The following CCDC141 variants were observed in gnomAD, a reference collection of about 807,000 sequenced individuals.
CCDC141 encodes coiled-coil domain-containing protein 141.
Under a neutral mutation model 181.0 loss-of-function variants are expected in CCDC141, and 168 were observed. The ratio of observed to expected loss-of-function variants is 0.93; its 90% CI spans 0.82 to 1.05. The LOEUF (loss-of-function observed/expected upper bound fraction) is 1.05. Ranked by LOEUF, CCDC141 falls within the 50% of genes least tolerant of loss-of-function variation. CCDC141 has a pLI of 0.00. For missense variants in CCDC141, 1,902 were observed against 1,788.5 expected, an observed-to-expected ratio of 1.06 and a Z score of -1.14; for synonymous variants, 666 against 642.3, an observed-to-expected ratio of 1.04 and a Z score of -0.56.
At chr2:179,013,775 G>A (rs1049319865) in intron 2 of CCDC141, among the ~76,000 whole-genome samples, 8 of 151,734 alleles carry the variant, frequency 5.3e-5, no homozygotes, top group Non-Finnish European at 7.4e-5. Flanking sequence ...AGACCATCCT[G>A]GCTAACATGG....
chr2:178,861,320 C>A (rs1685606832), intron 17 of CCDC141, among the ~76,000 whole-genome samples: 1 of 152,124 alleles, frequency 6.6e-6, no homozygotes, highest in African/African-American at 2.4e-5. Flanking sequence ...GCACACATCA[C>A]CATGCTCGGC....
rs3045731 is a variant in CCDC141, at chr2:178,837,850, A to AGG, written c.3475-108_3475-107dup. 1,141,918 of 1,321,578 alleles carry AGG rather than the reference A, an allele frequency of 0.86. 494,939 individuals carry two copies. The highest frequency in any genetic ancestry group is 0.99 in the East Asian group (41,545 of 41,998). The allele number at this position is 1,321,578 out of a possible 1,614,324, so 81.9% of individuals were successfully genotyped here. On this transcript the variant is annotated intron_variant, in intron 22 of 23. Transcript: ENST00000443758. Reference sequence around the variant, plus strand: ...GAGAGATAACTCGAGACAACCTACAAGGTTAAAATTTAGGGGGCTGGAGCA... The same window carrying AGG: ...GAGAGATAACTCGAGACAACCTACAAGGGGTTAAAATTTAGGGGGCTGGAGCA...
chr2:178,943,410 G>T (rs894696667), intron 6 of CCDC141, among the ~76,000 whole-genome samples: 15 of 152,098 alleles, frequency 9.9e-5, no homozygotes, highest in African/African-American at 3.6e-4. Flanking sequence ...ACAGAAGCAA[G>T]AAACTGAAAC....
At chr2:178,941,446 TC>T (rs1385408387) in intron 6 of CCDC141, among the ~76,000 whole-genome samples, 3 of 152,190 alleles carry the variant, frequency 2.0e-5, no homozygotes, top group African/African-American at 7.2e-5. Flanking sequence ...CCTTTTTGTA[TC>T]TACAAGTTAT....
intron 2 of CCDC141, among the ~76,000 whole-genome samples, chr2:179,013,960 CAAAAAAAAAAAA>C: frequency 2.1e-5 from 1 of 46,880 alleles, no homozygotes; most frequent in African/African-American, 1.0e-4. Context: ...GACTCCATCT[CAAAAAAAAAAAA>C]AAAAAAAAAA....
Position 178,885,042 on chromosome 2 carries a change from A to G in CCDC141, c.1578T>C (p.Asn526=), listed in dbSNP as rs958190713. 2 of 1,550,058 alleles carry G rather than the reference A, an allele frequency of 1.3e-6. No homozygotes were observed. Among genetic ancestry groups the G allele is most frequent in the African/African-American group, 2.7e-5 (2 of 73,090 alleles). Residue 526 remains asparagine, a synonymous_variant, in exon 11 of 24, where the codon AAT becomes AAC. Coordinates refer to ENST00000443758, the MANE Select transcript of CCDC141 (RefSeq NM_173648.4). ...ATACCATTTCATCAGATACAAATTCATTTTTCTCCATCATGGTTTTTGCAG... is the reference window on the plus strand; with the variant it reads ...ATACCATTTCATCAGATACAAATTCGTTTTTCTCCATCATGGTTTTTGCAG... ...EAAAKTMMEK[N]EFVSDEMVSL... is the part of the protein sequence containing the mutation.
chr2:178,818,450 C>T, the CCDC141 span, among the ~76,000 whole-genome samples: 1 of 152,234 alleles, frequency 6.6e-6, no homozygotes, highest in Admixed American at 6.5e-5. Flanking sequence ...CTCAACAGGC[C>T]CCAAGGTGTG....
chr2:179,008,812 T>A (rs1266466378), intron 2 of CCDC141, among the ~76,000 whole-genome samples: 1 of 152,176 alleles, frequency 6.6e-6, no homozygotes, highest in East Asian at 1.9e-4. Flanking sequence ...TCTTCACTGT[T>A]GTTCTTTTAA....
chr2:178,887,451 C>A (rs1686938838), intron 9 of CCDC141, among the ~76,000 whole-genome samples: 1 of 152,108 alleles, frequency 6.6e-6, no homozygotes, highest in African/African-American at 2.4e-5. Context: ...GGGTTCTGTT[C>A]CATTCAAGTT....
rs112157083 is a variant in CCDC141, at chr2:178,837,564, G to A, written c.3655C>T (p.Leu1219Phe). 2.5e-6 allele frequency: 4 copies of A among 1,613,890 alleles called. No individual in the cohort carries two copies. Among genetic ancestry groups the A allele is most frequent in the Admixed American group, 1.7e-5 (1 of 60,006 alleles). Residue 1219 changes from leucine to phenylalanine, a missense_variant, in exon 23 of 24, where the codon CTC (leucine) becomes TTC (phenylalanine). Coordinates refer to ENST00000443758, the MANE Select transcript of CCDC141 (RefSeq NM_173648.4). Reference protein sequence around the residue: ...VSPDDISLPPLPGSPESPLAP... With the variant: ...VSPDDISLPPFPGSPESPLAP... Reference sequence around the variant, plus strand: ...AGAGGGGACTCAGGGCTTCCTGGGAGAGGAGGCAAGGAGATGTCATCAGGT... The same window carrying A: ...AGAGGGGACTCAGGGCTTCCTGGGAAAGGAGGCAAGGAGATGTCATCAGGT...
At chr2:178,912,852 A>G (rs1401839944) in intron 7 of CCDC141, among the ~76,000 whole-genome samples, 2 of 152,196 alleles carry the variant, frequency 1.3e-5, no homozygotes, top group African/African-American at 4.8e-5. Flanking sequence ...TTCCCCAAAC[A>G]TGGCATGACT....
chr2:178,946,342 T>C (rs551863399), intron 5 of CCDC141, among the ~76,000 whole-genome samples: 1 of 152,320 alleles, frequency 6.6e-6, no homozygotes, highest in East Asian at 1.9e-4. Context: ...ATTATTTTAT[T>C]TTGTAAAACA....
At chr2:178,956,860 A>G (rs1401834913) in intron 5 of CCDC141, among the ~76,000 whole-genome samples, 2 of 152,120 alleles carry the variant, frequency 1.3e-5, no homozygotes, top group East Asian at 3.9e-4. Flanking sequence ...CCTGGGGGAA[A>G]GAATCTGGGC....
chr2:178,985,632 G>C (rs1423909750), intron 2 of CCDC141, among the ~76,000 whole-genome samples: 1 of 151,776 alleles, frequency 6.6e-6, no homozygotes, highest in East Asian at 1.9e-4. Context: ...TGATAAAGGG[G>C]ATATCACCAC....
chr2:178,826,130 T>C (rs547393358), downstream of CCDC141, among the ~76,000 whole-genome samples: 1 of 152,288 alleles, frequency 6.6e-6, no homozygotes, highest in South Asian at 2.1e-4. Flanking sequence ...TTTTAAAAAT[T>C]ATCATGAATA....
chr2:179,031,413 GA>G (rs906175351), intron 2 of CCDC141, among the ~76,000 whole-genome samples: 6 of 151,810 alleles, frequency 4.0e-5, no homozygotes, highest in African/African-American at 1.5e-4. Flanking sequence ...GTCTGGCTGA[GA>G]AAGCATTTCA....
At chr2:178,845,809 T>C (rs1417867942) in intron 21 of CCDC141, 67 bp from the exon 22 acceptor site, 1 of 897,578 alleles carries the variant, frequency 1.1e-6, no homozygotes, top group Non-Finnish European at 1.9e-6. Context: ...ATACACTAAC[T>C]ACTTGGAAGA....
rs942309256 is a variant in CCDC141, at chr2:178,918,880, T to C, written c.925A>G (p.Lys309Glu). The change falls in exon 7 of 24, where the codon AAG becomes GAG. Residue 309 changes from lysine to glutamate, a missense_variant. Physicochemically the swap from Lys to Glu is moderately conservative, Grantham distance 56. Transcript: ENST00000443758. ...KEWNSAVEKL[K>E]SEALRILLSK... ...AGCAGAATTCTCAGTGCCTCACTCT[T>C]CAGCTTCTCAACAGCAGAATTCCAT... 6.4e-7 allele frequency: 1 copy of C among 1,550,658 alleles called. No homozygotes were observed. Among genetic ancestry groups the C allele is most frequent in the South Asian group, 1.2e-5 (1 of 84,054 alleles).
chr2:178,978,885 G>A lies in CCDC141; in HGVS notation c.226-210C>T, dbSNP rs1847420. 0.47 allele frequency among the ~76,000 whole-genome samples: 71,240 copies of A among 151,952 alleles called. 17,400 individuals carry two copies. The highest frequency in any genetic ancestry group is 0.7 in the East Asian group (3,639 of 5,164). On this transcript the variant is annotated intron_variant, in intron 2 of 23. Coordinates refer to ENST00000443758, the MANE Select transcript of CCDC141 (RefSeq NM_173648.4). ...CAGGAAGCATGGCCAGGCTAAGGGC[G>A]TTCACATTTAAACATTGTCCAAACA...
Sources: allele counts gnomAD v4.1 joint callset (sites outside exome capture counted in the v4.1 genomes callset), GRCh38; gene constraint gnomAD v4.1.1; transcripts MANE v1.5; gene names NCBI Gene and HGNC (gene_info 2026-07-23, HGNC 2026-07-21).